Variants in ARHGEF38 observed in about 807,000 individuals in gnomAD.
The protein encoded by ARHGEF38 is Rho guanine nucleotide exchange factor 38.
A neutral mutation model predicts 79.9 loss-of-function variants in ARHGEF38; 79 were observed. The observed-to-expected ratio is 0.99, with a 90% confidence interval of 0.82 to 1.19. ARHGEF38 has a LOEUF of 1.19. ARHGEF38 is among the 50% of genes most tolerant of loss of function. The pLI, the probability that ARHGEF38 is intolerant of heterozygous loss-of-function variation, is 0.00. For synonymous variants in ARHGEF38, 366 were observed against 328.3 expected (o/e 1.11, Z -1.24); for missense variants, 962 against 907.2 (o/e 1.06, Z -0.78).
chr4:105,600,807 T>C (rs1415382649), intron 2 of ARHGEF38, among the ~76,000 whole-genome samples: 1 of 152,204 alleles, frequency 6.6e-6, no homozygotes, highest in Non-Finnish European at 1.5e-5. Context: ...TACCTTCCAG[T>C]TGCTCAGGCA....
chr4:105,652,381 T>C lies in ARHGEF38; in HGVS notation c.1009-1684T>C, dbSNP rs143688803. Among the ~76,000 whole-genome samples, 548 of 152,264 alleles carry C rather than the reference T, an allele frequency of 3.6e-3. 2 individuals are homozygous for C. Among genetic ancestry groups the C allele is most frequent in the African/African-American group, 0.013 (530 of 41,548 alleles). On this transcript the variant is annotated intron_variant, in intron 7 of 13. Transcript: ENST00000420470. Reference sequence around the variant, plus strand: ...ATCTGAAACAACCGAAATCCATCAGTGGAGAGAATCACTTAAATCATTAAC... The same window carrying C: ...ATCTGAAACAACCGAAATCCATCAGCGGAGAGAATCACTTAAATCATTAAC...
At chr4:105,561,513 T>TGG (rs1560684854) in intron 1 of ARHGEF38, 7 of 147,502 alleles carry the variant, frequency 4.7e-5, no homozygotes, top group Non-Finnish European at 6.0e-5. Flanking sequence ...TAGAATAGAA[T>TGG]AGAATAGAAT....
chr4:105,558,335 C>G (rs1264090277), intron 1 of ARHGEF38, among the ~76,000 whole-genome samples: 1 of 152,134 alleles, frequency 6.6e-6, no homozygotes, highest in African/African-American at 2.4e-5. Flanking sequence ...TGGAGTAAAA[C>G]AAATTGTCCA....
chr4:105,564,870 G>A (rs540583143), intron 1 of ARHGEF38, among the ~76,000 whole-genome samples: 14 of 152,246 alleles, frequency 9.2e-5, no homozygotes, highest in East Asian at 7.7e-4. Flanking sequence ...TGGAGATCCC[G>A]AGAACATCTG....
At chr4:105,570,743 A>T (rs1726182966) in intron 1 of ARHGEF38, among the ~76,000 whole-genome samples, 1 of 152,162 alleles carries the variant, frequency 6.6e-6, no homozygotes, top group African/African-American at 2.4e-5. Context: ...ATTCAAGATG[A>T]GATTTGGGTG....
intron 2 of ARHGEF38, among the ~76,000 whole-genome samples, chr4:105,595,347 T>C (rs1025814785): frequency 2.6e-5 from 4 of 152,178 alleles, no homozygotes; most frequent in Non-Finnish European, 5.9e-5. Context: ...GCTCAAAAAT[T>C]TGTGTTTTCT....
At chr4:105,658,244 C>T (rs1730416840) in intron 9 of ARHGEF38, among the ~76,000 whole-genome samples, 1 of 151,996 alleles carries the variant, frequency 6.6e-6, no homozygotes, top group Non-Finnish European at 1.5e-5. Context: ...CGTATCTCTA[C>T]CAAAAATTTT....
chr4:105,569,004 A>G (rs189187958), intron 1 of ARHGEF38, among the ~76,000 whole-genome samples: 12 of 152,340 alleles, frequency 7.9e-5, no homozygotes, highest in Non-Finnish European at 1.0e-4. Context: ...AATACAATTA[A>G]GAAAATCTAA....
intron 2 of ARHGEF38, among the ~76,000 whole-genome samples, chr4:105,598,288 A>G (rs1474375565): frequency 6.6e-6 from 1 of 152,182 alleles, no homozygotes; most frequent in Non-Finnish European, 1.5e-5. Flanking sequence ...CTCCTCAGTC[A>G]CAAGACCTCA....
At chr4:105,571,053 T>C (rs762313534) in intron 1 of ARHGEF38, among the ~76,000 whole-genome samples, 1 of 152,150 alleles carries the variant, frequency 6.6e-6, no homozygotes, top group Non-Finnish European at 1.5e-5. Context: ...TTAATAGGTA[T>C]AAAATTTGCT....
chr4:105,566,459 A>C (rs904021477), intron 1 of ARHGEF38, among the ~76,000 whole-genome samples: 9 of 152,134 alleles, frequency 5.9e-5, no homozygotes, highest in Non-Finnish European at 8.8e-5. Context: ...GCATATATTT[A>C]TGGGTTACAT....
At chr4:105,565,829 T>A (rs1725860548) in intron 1 of ARHGEF38, among the ~76,000 whole-genome samples, 1 of 152,204 alleles carries the variant, frequency 6.6e-6, no homozygotes, top group Non-Finnish European at 1.5e-5. Flanking sequence ...AAGTCAGAAA[T>A]CTGAGAGTCA....
chr4:105,633,757 A>G (rs1244575083), intron 4 of ARHGEF38, among the ~76,000 whole-genome samples: 2 of 152,192 alleles, frequency 1.3e-5, no homozygotes, highest in Admixed American at 6.6e-5. Flanking sequence ...TTAAAAATAT[A>G]TAAGCATAGT....
At chr4:105,660,355 T>C (rs1038262430) in intron 10 of ARHGEF38, among the ~76,000 whole-genome samples, 4 of 152,116 alleles carry the variant, frequency 2.6e-5, no homozygotes, top group Non-Finnish European at 5.9e-5. Context: ...CAGCATATTA[T>C]ATATACCATT....
At chr4:105,561,474 A>AGAATAGAATGGAATGGAATGGAATG (rs1725590290) in intron 1 of ARHGEF38, 4 of 50,808 alleles carry the variant, frequency 7.9e-5, no homozygotes, top group South Asian at 6.1e-4. Context: ...AGAATAGAAT[A>AGAATAGAATGGAATGGAATGGAATG]GAATAGAATA....
In ARHGEF38 at chr4:105,648,648, A is replaced by G. The variant is rs1240996349; in HGVS notation, c.974A>G (p.Asn325Ser). The G allele has an allele frequency of 6.5e-7, 1 of 1,532,956 alleles. No homozygotes were observed. The highest frequency in any genetic ancestry group is 8.7e-7 in the Non-Finnish European group (1 of 1,145,594). 95.0% of individuals were successfully genotyped at this position (1,532,956 alleles called of 1,614,324 possible). ...SISKKSKRVT[N>S]HLKILTRGES... is the part of the protein sequence containing the mutation. Reference sequence around the variant, plus strand: ...AGCAAGAAATCAAAAAGAGTGACAAATCATCTGAAGATTCTGACCAGAGGA... The same window carrying G: ...AGCAAGAAATCAAAAAGAGTGACAAGTCATCTGAAGATTCTGACCAGAGGA... Residue 325 changes from asparagine to serine, a missense_variant, in exon 7 of 14, where the codon AAT becomes AGT. Physicochemically the swap from Asn to Ser is conservative, Grantham distance 46. Transcript: ENST00000420470.
chr4:105,622,562 A>T (rs1728780154), intron 3 of ARHGEF38, among the ~76,000 whole-genome samples: 1 of 152,132 alleles, frequency 6.6e-6, no homozygotes, highest in Non-Finnish European at 1.5e-5. Flanking sequence ...TTCCTGTAAT[A>T]AAAAGCTGGC....
chr4:105,554,355 C>T (rs762220528), intron 1 of ARHGEF38, among the ~76,000 whole-genome samples: 24 of 152,112 alleles, frequency 1.6e-4, no homozygotes, highest in Non-Finnish European at 2.8e-4. Flanking sequence ...TGCCTCTGTC[C>T]GTTTCTCGCC....
intron 1 of ARHGEF38, among the ~76,000 whole-genome samples, chr4:105,564,956 G>A (rs1332423865): frequency 6.6e-6 from 1 of 152,136 alleles, no homozygotes; most frequent in Non-Finnish European, 1.5e-5. Context: ...CTCATCTTCT[G>A]CTAAAGACTT....
Sources: gnomAD v4.1 joint callset for allele counts (sites outside exome capture counted in the v4.1 genomes callset) on GRCh38, gnomAD v4.1.1 for gene constraint, MANE v1.5 for transcripts, NCBI Gene and HGNC (gene_info 2026-07-23, HGNC 2026-07-21) for gene names.